Variants in DHRSX observed in about 807,000 individuals in gnomAD.
DHRSX encodes the protein polyprenol dehydrogenase.
A neutral mutation model predicts 34.0 loss-of-function variants in DHRSX; 31 were observed. That is an observed-to-expected ratio of 0.91 (90% confidence interval 0.69 to 1.23). DHRSX has a LOEUF of 1.23. Ranked by LOEUF, DHRSX falls within the 50% of genes most tolerant of loss-of-function variation. The pLI, the probability that DHRSX is intolerant of heterozygous loss-of-function variation, is 0.00. For missense variants in DHRSX, 414 were observed against 428.1 expected (o/e 0.97, Z 0.29); for synonymous variants, 201 against 183.8 (o/e 1.09, Z -0.76).
chrX:2,445,923 C>G (rs867632427), intron 1 of DHRSX, among the ~76,000 whole-genome samples: 4 of 150,068 alleles, frequency 2.7e-5, no homozygotes, highest in Admixed American at 6.6e-5. Flanking sequence ...GCCAAGGGAC[C>G]GACGCCATGT....
At chrX:2,227,334 A>G (rs933383538) in intron 6 of DHRSX, among the ~76,000 whole-genome samples, 1 of 151,484 alleles carries the variant, frequency 6.6e-6, no homozygotes, top group Non-Finnish European at 1.5e-5. Context: ...TGGAAGGAAG[A>G]AAGAGAAGGA....
At chrX:2,250,093 TG>T (rs1421956412) in intron 5 of DHRSX, among the ~76,000 whole-genome samples, 2 of 138,624 alleles carry the variant, frequency 1.4e-5, no homozygotes, top group Non-Finnish European at 3.0e-5. Context: ...ACCCGGGAGG[TG>T]AAGATTGCAG....
At chrX:2,244,780 C>T (rs1275866591) in intron 5 of DHRSX, among the ~76,000 whole-genome samples, 1 of 151,872 alleles carries the variant, frequency 6.6e-6, no homozygotes, top group South Asian at 2.1e-4. Context: ...GGCGTGATCT[C>T]GGCTCACTGC....
At chrX:2,269,494 A>G (rs1024251334) in intron 4 of DHRSX, among the ~76,000 whole-genome samples, 6 of 152,030 alleles carry the variant, frequency 3.9e-5, no homozygotes, top group African/African-American at 1.5e-4. Context: ...AGGTACATGC[A>G]TTTGTTTATG....
At chrX:2,230,401 G>C (rs1032671945) in intron 6 of DHRSX, among the ~76,000 whole-genome samples, 18 of 152,208 alleles carry the variant, frequency 1.2e-4, no homozygotes, top group Middle Eastern at 3.4e-3. Context: ...ACACAAACCT[G>C]CTCTTACCAG....
At chrX:2,250,656 A>T (rs1310767330) in intron 5 of DHRSX, among the ~76,000 whole-genome samples, 1 of 152,002 alleles carries the variant, frequency 6.6e-6, no homozygotes, top group East Asian at 1.9e-4. Context: ...TTTCGGTGGG[A>T]TTTGGCTGGC....
intron 1 of DHRSX, among the ~76,000 whole-genome samples, chrX:2,427,583 G>A (rs528924492): frequency 9.2e-5 from 14 of 152,196 alleles, no homozygotes; most frequent in South Asian, 4.1e-4. Flanking sequence ...GACTTCTCGC[G>A]TTCAAAATAA....
At chrX:2,268,713 C>T (rs2041508619) in intron 4 of DHRSX, among the ~76,000 whole-genome samples, 2 of 152,200 alleles carry the variant, frequency 1.3e-5, no homozygotes, top group African/African-American at 4.8e-5. Flanking sequence ...TACATCTTTG[C>T]ATGTGTATCT....
chrX:2,394,633 T>C (rs1341251083), intron 3 of DHRSX, among the ~76,000 whole-genome samples: 2 of 152,024 alleles, frequency 1.3e-5, no homozygotes, highest in African/African-American at 2.4e-5. Flanking sequence ...TTTGGGAGGC[T>C]GAGGCGGGCA....
At chrX:2,425,142 G>GAAAA (rs11398813) in intron 2 of DHRSX, 55 bp downstream of exon 2, 212 of 1,224,420 alleles carry the variant, frequency 1.7e-4, no homozygotes, top group African/African-American at 9.0e-4. Flanking sequence ...TCCTGTCTCA[G>GAAAA]AAAAAAAAAA....
chrX:2,346,083 C>A (rs889792426), intron 3 of DHRSX, among the ~76,000 whole-genome samples: 24 of 152,122 alleles, frequency 1.6e-4, no homozygotes, highest in Admixed American at 5.2e-4. Context: ...GGAGGAATTT[C>A]ATCCAGGAAA....
At chrX:2,475,306 G>A (rs1003152972) in intron 1 of DHRSX, among the ~76,000 whole-genome samples, 3 of 151,790 alleles carry the variant, frequency 2.0e-5, no homozygotes, top group African/African-American at 7.3e-5. Context: ...CTAAGGGACT[G>A]CCACCAAGAA....
intron 3 of DHRSX, among the ~76,000 whole-genome samples, chrX:2,354,729 G>A (rs886892376): frequency 1.3e-5 from 2 of 152,182 alleles, no homozygotes; most frequent in African/African-American, 4.8e-5. Context: ...CAAAGTGCTG[G>A]GACTACAGGT....
rs1291611952 is a variant in DHRSX at position 2,266,723 on chromosome X, T to G, written c.596+17A>C. ...CCACCTGAGATGCTGTTATGATTATTCACAGGGTGCACCTACCTGCTCTGA... is the reference window on the plus strand; with the variant it reads ...CCACCTGAGATGCTGTTATGATTATGCACAGGGTGCACCTACCTGCTCTGA... On this transcript the variant is annotated intron_variant, in intron 5 of 6. Transcript: ENST00000334651. The G allele has an allele frequency of 6.2e-7, 1 of 1,613,040 alleles. No individual in the cohort carries two copies. Among genetic ancestry groups the G allele is most frequent in the South Asian group, 1.1e-5 (1 of 91,052 alleles).
chrX:2,432,948 C>T (rs1458372773), intron 1 of DHRSX, among the ~76,000 whole-genome samples: 2 of 151,970 alleles, frequency 1.3e-5, no homozygotes, highest in African/African-American at 4.8e-5. Flanking sequence ...CAGAGAGAGG[C>T]CTCATCTCTA....
At chrX:2,485,214 T>C (rs372677040) in intron 1 of DHRSX, among the ~76,000 whole-genome samples, 3 of 152,114 alleles carry the variant, frequency 2.0e-5, no homozygotes, top group African/African-American at 4.8e-5. Flanking sequence ...TAAGAAACCC[T>C]CAAGGACTAG....
chrX:2,439,148 CAA>C lies in DHRSX; in HGVS notation c.110-13846_110-13845del, dbSNP rs781530860. 4.8e-3 allele frequency among the ~76,000 whole-genome samples: 500 copies of C among 104,236 alleles called. 5 individuals carry two copies. Among genetic ancestry groups the C allele is most frequent in the African/African-American group, 0.018 (480 of 26,432 alleles). The allele number at this position is 104,236 out of a possible 152,430, so 68.4% of individuals were successfully genotyped here. A position where few individuals can be genotyped will look rare whatever the true frequency, so the allele number is the denominator to read the frequency against. On this transcript the variant is annotated intron_variant, in intron 1 of 6. Transcript: ENST00000334651. ...TGACAAGAGCGAGACTTTTTTGTCT[CAA>C]AAAAAAAAAAGCTTAAAAAATAAAA...
chrX:2,301,139 C>T (rs1483347716), intron 3 of DHRSX, among the ~76,000 whole-genome samples: 4 of 152,338 alleles, frequency 2.6e-5, no homozygotes, highest in South Asian at 2.1e-4. Context: ...GCAGGCCGGG[C>T]GCAGTGGCTT....
intron 1 of DHRSX, among the ~76,000 whole-genome samples, chrX:2,498,416 A>G (rs1182385812): frequency 6.6e-6 from 1 of 152,184 alleles, no homozygotes; most frequent in Non-Finnish European, 1.5e-5. Flanking sequence ...CAGACCAAGG[A>G]CAACAGCATT....
Sources: gnomAD v4.1 joint callset for allele counts (sites outside exome capture counted in the v4.1 genomes callset) on GRCh38, gnomAD v4.1.1 for gene constraint, MANE v1.5 for transcripts, NCBI Gene and HGNC (gene_info 2026-07-23, HGNC 2026-07-21) for gene names.